Variants in PRH1 observed in about 807,000 individuals in gnomAD.
PRH1 encodes the protein proline rich protein HaeIII subfamily 1.
Under a neutral mutation model 7.9 loss-of-function variants are expected in PRH1, and 7 were observed. The ratio of observed to expected loss-of-function variants is 0.89; its 90% CI spans 0.50 to 1.67. PRH1 has a LOEUF of 1.67. Ranked by LOEUF, PRH1 falls within the 40% of genes most tolerant of loss-of-function variation. The pLI, the probability that PRH1 is intolerant of heterozygous loss-of-function variation, is 0.00. For missense variants in PRH1, 109 were observed against 223.6 expected (o/e 0.49, Z 3.27); for synonymous variants, 45 against 80.8 (o/e 0.56, Z 2.38).
intron 1 of PRH1, among the ~76,000 whole-genome samples, chr12:11,079,689 A>C (rs1395874999): frequency 8.5e-6 from 1 of 118,142 alleles, no homozygotes; most frequent in Non-Finnish European, 2.0e-5. Context: ...AGAGAATGTC[A>C]AAGTTTTGTC....
At chr12:10,947,830 T>C (rs925077807) in intron 2 of PRH1, among the ~76,000 whole-genome samples, 4 of 152,130 alleles carry the variant, frequency 2.6e-5, no homozygotes, top group African/African-American at 4.8e-5. Context: ...CTGGTGATAA[T>C]AAATTCCCTC....
At chr12:10,996,841 T>G (rs894854498) in intron 1 of PRH1, 41 of 1,102,070 alleles carry the variant, frequency 3.7e-5, no homozygotes, top group Non-Finnish European at 4.9e-5. Flanking sequence ...TTTTGGAAAT[T>G]ACTCAAATAC....
intron 1 of PRH1, among the ~76,000 whole-genome samples, chr12:11,086,923 C>T (rs150787230): frequency 0.011 from 737 of 68,992 alleles, 162 homozygotes; most frequent in African/African-American, 0.028. Context: ...AAAACACCAC[C>T]ACCACCAACA....
intron 2 of PRH1, among the ~76,000 whole-genome samples, chr12:10,948,182 G>T (rs972961707): frequency 6.6e-6 from 1 of 152,198 alleles, no homozygotes; most frequent in African/African-American, 2.4e-5. Flanking sequence ...CTCTAGCAAG[G>T]TTGGGAAAGA....
At chr12:10,956,415 T>C (rs528034846) in intron 2 of PRH1, among the ~76,000 whole-genome samples, 3 of 152,194 alleles carry the variant, frequency 2.0e-5, no homozygotes, top group African/African-American at 4.8e-5. Context: ...ATTGAAGATA[T>C]ATACTTCACA....
At chr12:10,911,347 G>A (rs1355959819) in intron 2 of PRH1, among the ~76,000 whole-genome samples, 2 of 152,300 alleles carry the variant, frequency 1.3e-5, no homozygotes, top group South Asian at 2.1e-4. Context: ...TTGCGGTTCT[G>A]AGCTGCATTT....
chr12:11,086,187 G>A (rs79783410), intron 1 of PRH1, among the ~76,000 whole-genome samples: 54,748 of 113,402 alleles, frequency 0.48, 9,323 homozygotes, highest in Non-Finnish European at 0.56. Context: ...TTTCTTACTT[G>A]GGCTTTTCAG....
chr12:10,996,791 T>G (rs61912291), intron 1 of PRH1: 113,712 of 497,590 alleles, frequency 0.23, 13,829 homozygotes, highest in Non-Finnish European at 0.25. Context: ...ATATATACTT[T>G]TATATAATAA....
At chr12:11,083,637 C>T (rs1417056847) in intron 1 of PRH1, among the ~76,000 whole-genome samples, 1 of 152,244 alleles carries the variant, frequency 6.6e-6, no homozygotes, top group African/African-American at 2.4e-5. Context: ...TAGAATTCAC[C>T]AGCAATCCAG....
At chr12:11,156,037 T>C (rs1053335204) in intron 1 of PRH1, among the ~76,000 whole-genome samples, 1 of 152,248 alleles carries the variant, frequency 6.6e-6, no homozygotes, top group African/African-American at 2.4e-5. Context: ...ATAGTCCTTT[T>C]AGTTACGCAC....
At chr12:11,020,364 ATATATATATATAT>A (rs1941548839) in intron 1 of PRH1, among the ~76,000 whole-genome samples, 4 of 132,978 alleles carry the variant, frequency 3.0e-5, no homozygotes, top group Non-Finnish European at 5.0e-5. Flanking sequence ...ATGATAAGCG[ATATATATATATAT>A]ATATATATAT....
chr12:10,963,893 C>T (rs1044683), intron 2 of PRH1, among the ~76,000 whole-genome samples: 2 of 151,950 alleles, frequency 1.3e-5, no homozygotes, highest in African/African-American at 2.4e-5. Context: ...ATTCATTATG[C>T]AACAAAAACT....
chr12:10,971,149 A>G (rs577311022), intron 2 of PRH1, among the ~76,000 whole-genome samples: 35 of 152,314 alleles, frequency 2.3e-4, no homozygotes, highest in African/African-American at 8.2e-4. Flanking sequence ...AGCCATCCAG[A>G]CACTCCCCAT....
chr12:10,881,065 G>T lies in PRH1; in HGVS notation c.*19-9C>A. The T allele has an allele frequency of 5.2e-6, 1 of 193,034 alleles. No homozygotes were observed. The allele number at this position is 193,034 out of a possible 1,614,324, so 12.0% of individuals were successfully genotyped here. A position where few individuals can be genotyped will look rare whatever the true frequency, so the allele number is the denominator to read the frequency against. ...ATCTTCTTATTCACTTCCTGAAAAA[G>T]ACAAGCAAACAAGGAAGATTACAGA... On this transcript the variant is annotated splice_polypyrimidine_tract_variant and intron_variant, in intron 3 of 3. Coordinates refer to ENST00000543626, the MANE Select transcript of PRH1 (RefSeq NM_001393989.1).
intron 2 of PRH1, among the ~76,000 whole-genome samples, chr12:10,940,584 C>T (rs946622220): frequency 6.6e-6 from 1 of 152,160 alleles, no homozygotes; most frequent in African/African-American, 2.4e-5. Context: ...AATACCTTCA[C>T]ATTTTTTTCA....
chr12:11,005,601 A>T (rs1940789332), intron 1 of PRH1, among the ~76,000 whole-genome samples: 2 of 152,084 alleles, frequency 1.3e-5, no homozygotes, highest in Admixed American at 6.6e-5. Flanking sequence ...TGTTTGTATA[A>T]GTCTATTGTT....
chr12:11,045,750 C>G (rs1251272074), intron 1 of PRH1, among the ~76,000 whole-genome samples: 1 of 152,090 alleles, frequency 6.6e-6, no homozygotes, highest in Non-Finnish European at 1.5e-5. Context: ...TCTAGCCTAT[C>G]AGCTTAAATT....
chr12:11,056,587 G>T (rs1296782794), intron 1 of PRH1, among the ~76,000 whole-genome samples: 3 of 152,152 alleles, frequency 2.0e-5, no homozygotes, highest in Non-Finnish European at 2.9e-5. Flanking sequence ...GCAGGCTGAG[G>T]CAGGTGGATC....
intron 1 of PRH1, among the ~76,000 whole-genome samples, chr12:11,125,974 C>G (rs1235646876): frequency 7.6e-6 from 1 of 131,190 alleles, no homozygotes; most frequent in African/African-American, 2.7e-5. Context: ...TTCTAATTAC[C>G]ATGGTGTCTA....
Sources: allele counts gnomAD v4.1 joint callset (sites outside exome capture counted in the v4.1 genomes callset), GRCh38; gene constraint gnomAD v4.1.1; transcripts MANE v1.5; gene names NCBI Gene and HGNC (gene_info 2026-07-23, HGNC 2026-07-21).